The following ADGRL2 variants were observed in gnomAD, a reference collection of about 807,000 sequenced individuals.
ADGRL2 encodes the protein calcium-independent alpha-latrotoxin receptor 2.
ADGRL2 carries 44 observed loss-of-function variants against 157.4 expected under a neutral mutation model. The ratio of observed to expected loss-of-function variants is 0.28; its 90% confidence interval spans 0.22 to 0.36. The LOEUF is 0.36. Among genes scored for constraint, ADGRL2 ranks in the 10% least tolerant of loss-of-function variants. The pLI, the probability that ADGRL2 is intolerant of heterozygous loss-of-function variation, is 1.00. For missense variants in ADGRL2, 1,510 were observed against 1,768.9 expected (o/e 0.85, Z 2.63); for synonymous variants, 585 against 624.7 (o/e 0.94, Z 0.95).
intron 3 of ADGRL2, among the ~76,000 whole-genome samples, chr1:81,928,038 T>C (rs1287976413): frequency 6.6e-6 from 1 of 152,114 alleles, no homozygotes; most frequent in Non-Finnish European, 1.5e-5. Context: ...GTATTCCCTC[T>C]CCATTCACTT....
At chr1:81,801,379 G>A (rs965645508) in intron 1 of ADGRL2, among the ~76,000 whole-genome samples, 1 of 152,146 alleles carries the variant, frequency 6.6e-6, no homozygotes, top group Admixed American at 6.5e-5. Flanking sequence ...CAGACCTCGC[G>A]GAGAGTCTGT....
chr1:81,642,913 A>G (rs2082247967), intron 3 of ADGRL2, among the ~76,000 whole-genome samples: 1 of 152,226 alleles, frequency 6.6e-6, no homozygotes, highest in Admixed American at 6.5e-5. Context: ...TAAACCAGAT[A>G]TAGATAGGAA....
At chr1:81,384,135 C>T (rs766443487) in intron 1 of ADGRL2, among the ~76,000 whole-genome samples, 1 of 152,086 alleles carries the variant, frequency 6.6e-6, no homozygotes, top group Non-Finnish European at 1.5e-5. Flanking sequence ...CACATTGTGG[C>T]TTTATCATAG....
At chr1:81,967,316 C>T (rs1045976376) in intron 13 of ADGRL2, among the ~76,000 whole-genome samples, 5 of 149,064 alleles carry the variant, frequency 3.4e-5, no homozygotes, top group Admixed American at 6.7e-5. Context: ...GTCTAGAGTG[C>T]GGTGGCGCGA....
At position 81,966,579 on chromosome 1, in the gene ADGRL2, T is replaced by A; in HGVS notation, c.2319T>A (p.Asp773Glu). ...AGTCCAGCCGAGTATACCTGACTGA[T>A]CCTGTGCTTTTTACCCTGCCACACA... Reference protein sequence around the residue: ...NKESSRVYLTDPVLFTLPHID... With the variant: ...NKESSRVYLTEPVLFTLPHID... The change falls in exon 13 of 24, where the codon GAT becomes GAA. Residue 773 changes from aspartate to glutamate, a missense_variant. Around this residue, in one of 4 missense-constraint regions of ADGRL2, gnomAD observed 497 missense variants for 627.2 expected, o/e 0.79. Transcript: ENST00000686636. The A allele has an allele frequency of 6.2e-7, 1 of 1,614,050 alleles. No homozygotes were observed. Among genetic ancestry groups the A allele is most frequent in the Non-Finnish European group, 8.5e-7 (1 of 1,179,964 alleles).
chr1:81,502,562 G>A, intron 2 of ADGRL2: 1 of 1,614,018 alleles, frequency 6.2e-7, no homozygotes, highest in South Asian at 1.1e-5. Context: ...CGAGAAGGGG[G>A]GCCTGGTGGA....
At chr1:81,960,882 G>A (rs535264578) in intron 11 of ADGRL2, among the ~76,000 whole-genome samples, 1 of 152,276 alleles carries the variant, frequency 6.6e-6, no homozygotes, top group East Asian at 1.9e-4. Flanking sequence ...AACAACAAAG[G>A]TTTACTACTC....
intron 2 of ADGRL2, among the ~76,000 whole-genome samples, chr1:81,895,560 T>A (rs1182451840): frequency 6.6e-6 from 1 of 151,678 alleles, no homozygotes; most frequent in Non-Finnish European, 1.5e-5. Flanking sequence ...AGCTAGCTAA[T>A]TTTTTTGTAT....
intron 1 of ADGRL2, among the ~76,000 whole-genome samples, chr1:81,417,943 A>G (rs12746697): frequency 0.21 from 32,398 of 152,116 alleles, 4,528 homozygotes; most frequent in Non-Finnish European, 0.31. Flanking sequence ...CACTTTTACT[A>G]TATTTCTTCT....
intron 17 of ADGRL2, among the ~76,000 whole-genome samples, chr1:81,979,020 C>T (rs1660921144): frequency 6.6e-6 from 1 of 151,706 alleles, no homozygotes; most frequent in Non-Finnish European, 1.5e-5. Flanking sequence ...GGAACTGCCT[C>T]CTCTTCTTCC....
chr1:81,690,751 CT>C (rs1290132286), intron 3 of ADGRL2, among the ~76,000 whole-genome samples: 1 of 152,156 alleles, frequency 6.6e-6, no homozygotes, highest in Non-Finnish European at 1.5e-5. Context: ...CAAACCTACA[CT>C]TTTCCTGCTG....
intron 3 of ADGRL2, among the ~76,000 whole-genome samples, chr1:81,619,957 TAGTA>T (rs1183160842): frequency 1.3e-5 from 2 of 151,884 alleles, no homozygotes; most frequent in Admixed American, 6.6e-5. Context: ...AAAAAGAGGA[TAGTA>T]AGTAACGGGT....
At chr1:81,395,472 A>G (rs1267947114) in intron 1 of ADGRL2, among the ~76,000 whole-genome samples, 1 of 152,110 alleles carries the variant, frequency 6.6e-6, no homozygotes, top group East Asian at 1.9e-4. Context: ...TACTTTGTAA[A>G]TATTTTCTCC....
intron 3 of ADGRL2, among the ~76,000 whole-genome samples, chr1:81,601,881 T>C (rs1570610049): frequency 1.3e-5 from 2 of 151,984 alleles, no homozygotes; most frequent in African/African-American, 4.8e-5. Flanking sequence ...GAAAAGTATA[T>C]ATAGGGAGAA....
chr1:81,597,390 G>GA lies in ADGRL2; in HGVS notation c.-143+16417dup, dbSNP rs529766505. Among the ~76,000 whole-genome samples, 55 of 151,890 alleles carry GA rather than the reference G, an allele frequency of 3.6e-4. No homozygotes were observed. The East Asian group carries it at 5.8e-3, about 16-fold the overall frequency. On this transcript the variant is annotated intron_variant, in intron 3 of 24. Coordinates refer to the ADGRL2 transcript ENST00000370721. Reference sequence around the variant, plus strand: ...CAGAAAGTGCATATGAAAAAATAAAGAAAAAAATTATATTTGCTAATATTT... The same window carrying GA: ...CAGAAAGTGCATATGAAAAAATAAAGAAAAAAAATTATATTTGCTAATATTT...
At chr1:81,701,021 T>C (rs2083559794) in intron 1 of ADGRL2, among the ~76,000 whole-genome samples, 1 of 152,194 alleles carries the variant, frequency 6.6e-6, no homozygotes, top group Non-Finnish European at 1.5e-5. Flanking sequence ...ATTAATACGT[T>C]GGGACTAAGC....
intron 3 of ADGRL2, among the ~76,000 whole-genome samples, chr1:81,933,510 G>A (rs577179367): frequency 7.2e-5 from 11 of 152,224 alleles, no homozygotes; most frequent in African/African-American, 2.6e-4. Context: ...CTACCTTTTC[G>A]CTTTCATTAG....
At chr1:81,480,849 T>C (rs10874248) in intron 2 of ADGRL2, among the ~76,000 whole-genome samples, 116,242 of 152,030 alleles carry the variant, frequency 0.76, 46,116 homozygotes, top group Non-Finnish European at 0.88. Context: ...CAACCATATA[T>C]GCTGTGTTAA....
chr1:81,408,724 T>C (rs2076898379), intron 1 of ADGRL2, among the ~76,000 whole-genome samples: 1 of 152,192 alleles, frequency 6.6e-6, no homozygotes, highest in South Asian at 2.1e-4. Flanking sequence ...CAAACTATAA[T>C]GGATTTCAGA....
Sources: allele counts gnomAD v4.1 joint callset (sites outside exome capture counted in the v4.1 genomes callset), GRCh38; gene constraint gnomAD v4.1.1; regional missense constraint gnomAD v4.1.1; transcripts MANE v1.5; gene names NCBI Gene and HGNC (gene_info 2026-07-23, HGNC 2026-07-21).